The following TPRG1 variants were observed in gnomAD, a reference collection of about 807,000 sequenced individuals.
TPRG1 encodes tumor protein p63-regulated gene 1 protein.
A neutral mutation model predicts 29.3 loss-of-function variants in TPRG1; 29 were observed. The observed-to-expected ratio is 0.99, with a 90% CI of 0.74 to 1.35. TPRG1 has a LOEUF of 1.35. TPRG1 is among the 40% of genes most tolerant of loss of function. TPRG1 has a pLI of 0.00. For synonymous variants in TPRG1, 130 were observed against 116.8 expected, an observed-to-expected ratio of 1.11 and a Z score of -0.73; for missense variants, 327 against 335.0, an observed-to-expected ratio of 0.98 and a Z score of 0.19.
intron 1 of TPRG1, among the ~76,000 whole-genome samples, chr3:189,183,613 A>T (rs2108707664): frequency 6.6e-6 from 1 of 152,166 alleles, no homozygotes; most frequent in Admixed American, 6.5e-5. Context: ...CCAGGCACAT[A>T]TTCTCTTTCC....
At chr3:189,219,022 C>A (rs1215537343) in intron 3 of TPRG1, among the ~76,000 whole-genome samples, 1 of 152,154 alleles carries the variant, frequency 6.6e-6, no homozygotes, top group Non-Finnish European at 1.5e-5. Flanking sequence ...AATCAATTTC[C>A]ATTGTATAAA....
At chr3:189,259,535 G>T (rs1712615313) in intron 4 of TPRG1, among the ~76,000 whole-genome samples, 1 of 145,130 alleles carries the variant, frequency 6.9e-6, no homozygotes, top group African/African-American at 2.6e-5. Flanking sequence ...TGTGATCTCG[G>T]CTCACTGCAA....
chr3:189,296,436 G>A (rs1322999758), intron 4 of TPRG1, among the ~76,000 whole-genome samples: 4 of 152,070 alleles, frequency 2.6e-5, no homozygotes, highest in Non-Finnish European at 5.9e-5. Flanking sequence ...ATATACAGAC[G>A]ATTACAATTA....
Position 189,238,766 on chromosome 3 carries a change from TCTA to T in TPRG1, c.339_341del (p.Leu114del), listed in dbSNP as rs1441831710. 46 of 1,613,114 alleles carry T rather than the reference TCTA, an allele frequency of 2.9e-5. No homozygotes were observed. The highest frequency in any genetic ancestry group is 3.9e-5 in the Non-Finnish European group (46 of 1,179,428). On this transcript the variant is annotated inframe_deletion, in exon 4 of 6. Coordinates refer to ENST00000345063, the MANE Select transcript of TPRG1 (RefSeq NM_198485.4). ...ACTGGAACAATGAGAAGGAGAGAAT[TCTA>T]CTGGTCACAGACAAGACTCTCTTGA...
intron 4 of TPRG1, among the ~76,000 whole-genome samples, chr3:189,053,313 A>T (rs1013156572): frequency 6.6e-6 from 1 of 152,098 alleles, no homozygotes; most frequent in Non-Finnish European, 1.5e-5. Flanking sequence ...AAGCAGCCCA[A>T]TTTTCTCATA....
chr3:189,251,405 G>A (rs1350002039), intron 4 of TPRG1, among the ~76,000 whole-genome samples: 1 of 152,142 alleles, frequency 6.6e-6, no homozygotes, highest in Non-Finnish European at 1.5e-5. Flanking sequence ...ACCTGTGGGT[G>A]TTTCTCGTTA....
chr3:189,226,562 A>G (rs1737749599), intron 3 of TPRG1, among the ~76,000 whole-genome samples: 1 of 152,172 alleles, frequency 6.6e-6, no homozygotes, highest in Admixed American at 6.5e-5. Context: ...AAAAGTGTAC[A>G]TATTAATTGA....
In TPRG1 at chr3:189,182,737, T is replaced by C. The variant is rs888130284; in HGVS notation, c.-10+10606T>C. On this transcript the variant is annotated intron_variant, in intron 1 of 5. Transcript: ENST00000345063. ...TGAATAATTAACAATAGAAAGTAAA[T>C]AATAGAACCTTATACAGTCACTATT... Among the ~76,000 whole-genome samples the C allele has an allele frequency of 1.5e-4, 23 of 152,122 alleles. 1 individual carries two copies. The highest frequency in any genetic ancestry group is 5.3e-4 in the African/African-American group (22 of 41,436).
chr3:189,025,123 G>A (rs1472097802), intron 4 of TPRG1, among the ~76,000 whole-genome samples: 1 of 152,152 alleles, frequency 6.6e-6, no homozygotes, highest in Non-Finnish European at 1.5e-5. Context: ...CCTAAGGCTG[G>A]AGTATGTAAA....
chr3:189,208,505 C>A (rs1381724785), intron 2 of TPRG1, among the ~76,000 whole-genome samples: 1 of 152,010 alleles, frequency 6.6e-6, no homozygotes, highest in Non-Finnish European at 1.5e-5. Context: ...ATTAATAAAT[C>A]CTGATTTGGT....
intron 3 of TPRG1, among the ~76,000 whole-genome samples, chr3:189,235,666 A>G (rs1230132472): frequency 1.3e-5 from 2 of 152,150 alleles, no homozygotes; most frequent in Admixed American, 1.3e-4. Context: ...AGCTTCTTGC[A>G]GAGGTTGGTT....
At chr3:189,283,592 A>G (rs925876043) in intron 4 of TPRG1, among the ~76,000 whole-genome samples, 1 of 152,310 alleles carries the variant, frequency 6.6e-6, no homozygotes, top group East Asian at 1.9e-4. Flanking sequence ...TTCTCTTAAA[A>G]ATAATATTGG....
At chr3:189,277,883 T>C (rs1199342088) in intron 4 of TPRG1, among the ~76,000 whole-genome samples, 1 of 152,194 alleles carries the variant, frequency 6.6e-6, no homozygotes, top group Non-Finnish European at 1.5e-5. Context: ...TCAGCCAGCA[T>C]ATTCTGTTTT....
rs200889298 is a variant in TPRG1, at chr3:189,215,333, C to T, written c.252C>T (p.His84=). 6.9e-5 allele frequency: 111 copies of T among 1,611,914 alleles called. No homozygotes were observed. The highest frequency in any genetic ancestry group is 4.5e-4 in the East Asian group (20 of 44,760). The change falls in exon 3 of 6, where the codon CAC becomes CAT. Residue 84 remains histidine (H), a synonymous_variant. Transcript: ENST00000345063. ...CTGCCATGGAAGACTTGAAAGGTCA[C>T]GTAGCTGAGACTTCTGGAGAGACCA... ...IETAMEDLKG[H]VAETSGETIQ...
intron 1 of TPRG1, among the ~76,000 whole-genome samples, chr3:189,125,767 T>C (rs1424792370): frequency 6.6e-6 from 1 of 151,028 alleles, no homozygotes; most frequent in Non-Finnish European, 1.5e-5. Context: ...ATTTTTCTCA[T>C]TGAGAGATTC....
chr3:189,114,119 C>A (rs1269470151), intron 1 of TPRG1, among the ~76,000 whole-genome samples: 1 of 152,006 alleles, frequency 6.6e-6, no homozygotes, highest in African/African-American at 2.4e-5. Flanking sequence ...GAGGGAGCTT[C>A]TATGAAGATA....
rs539985998 is a variant in TPRG1 at position 189,157,552 on chromosome 3, G to A, written c.-10+6680G>A. ...GAGGCAGCCACACAGGCCAGGTTCC[G>A]GCCACCTTCTGTTCTGGTTTGCCTA... On this transcript the variant is annotated intron_variant, in intron 5 of 6. Transcript: ENST00000412373. Among the ~76,000 whole-genome samples, 64 of 152,226 alleles carry A rather than the reference G, an allele frequency of 4.2e-4. 2 individuals are homozygous for A. The South Asian group carries it at 0.012, about 30-fold the overall frequency.
intron 4 of TPRG1, among the ~76,000 whole-genome samples, chr3:189,292,453 G>T (rs1271664645): frequency 1.3e-5 from 2 of 151,932 alleles, no homozygotes; most frequent in Non-Finnish European, 2.9e-5. Flanking sequence ...TTGAACAACT[G>T]CTTTGTCTCT....
At chr3:189,108,753 A>G (rs1452357887) in intron 1 of TPRG1, among the ~76,000 whole-genome samples, 2 of 152,174 alleles carry the variant, frequency 1.3e-5, no homozygotes, top group Non-Finnish European at 2.9e-5. Context: ...ACCTTATGAA[A>G]TAGGATAGCT....
Sources: gnomAD v4.1 joint callset for allele counts (sites outside exome capture counted in the v4.1 genomes callset) on GRCh38, gnomAD v4.1.1 for gene constraint, MANE v1.5 for transcripts, NCBI Gene and HGNC (gene_info 2026-07-23, HGNC 2026-07-21) for gene names.